RIPPLY3: variants seen among roughly 807,000 people sequenced by gnomAD.
RIPPLY3 encodes the protein ripply transcriptional repressor 3.
A neutral mutation model predicts 11.9 loss-of-function variants in RIPPLY3; 8 were observed. The ratio of observed to expected loss-of-function variants is 0.67; its 90% CI spans 0.40 to 1.21. The LOEUF is 1.21. Ranked by LOEUF, RIPPLY3 falls within the 50% of genes most tolerant of loss-of-function variation. The pLI, the probability that RIPPLY3 is intolerant of heterozygous loss-of-function variation, is 0.01. For synonymous variants in RIPPLY3, 102 were observed against 99.0 expected (o/e 1.03, Z -0.18); for missense variants, 271 against 246.0 (o/e 1.10, Z -0.68).
At chr21:37,007,400 C>CTTTTTTTTTTTTTTTTTTTTTTTT (rs895853940) in intron 1 of RIPPLY3, among the ~76,000 whole-genome samples, 1 of 86,272 alleles carries the variant, frequency 1.2e-5, no homozygotes, top group African/African-American at 5.0e-5. Flanking sequence ...AAGATTCCCT[C>CTTTTTTTTTTTTTTTTTTTTTTTT]TTTTTTTTTT....
intron 2 of RIPPLY3, among the ~76,000 whole-genome samples, chr21:37,013,233 A>G (rs1261401600): frequency 6.6e-6 from 1 of 152,112 alleles, no homozygotes; most frequent in Non-Finnish European, 1.5e-5. Flanking sequence ...GCTTAGAATC[A>G]TGGGTATCTT....
intron 2 of RIPPLY3, among the ~76,000 whole-genome samples, chr21:37,009,310 C>A (rs190260037): frequency 3.3e-5 from 5 of 151,592 alleles, no homozygotes; most frequent in Admixed American, 3.3e-4. Context: ...TTACGTAACA[C>A]GTGTTATATG....
At chr21:37,012,804 G>A (rs1162725052) in intron 2 of RIPPLY3, among the ~76,000 whole-genome samples, 1 of 151,054 alleles carries the variant, frequency 6.6e-6, no homozygotes, top group Admixed American at 6.6e-5. Context: ...GGTCTCACTT[G>A]TTCCACACAA....
Position 37,006,881 on chromosome 21 carries a change from G to C in RIPPLY3, c.104+5G>C, listed in dbSNP as rs2069469928. 8.2e-7 allele frequency: 1 copy of C among 1,214,266 alleles called. No individual in the cohort carries two copies. Among genetic ancestry groups the C allele is most frequent in the Non-Finnish European group, 1.0e-6 (1 of 975,340 alleles). The allele number at this position is 1,214,266 out of a possible 1,614,324, so 75.2% of individuals were successfully genotyped here. A position where few individuals can be genotyped will look rare whatever the true frequency, so the allele number is the denominator to read the frequency against. Reference sequence around the variant, plus strand: ...GCCACCGCGCGGGCCGGAGAGGTGAGGGTGGCCCCGCGCCCCGGTGGACGC... The same window carrying C: ...GCCACCGCGCGGGCCGGAGAGGTGACGGTGGCCCCGCGCCCCGGTGGACGC... On this transcript the variant is annotated splice_donor_5th_base_variant and intron_variant, in intron 1 of 3. Coordinates refer to ENST00000329553, the MANE Select transcript of RIPPLY3 (RefSeq NM_018962.3). This position sits in a 1 kb window ranked among gnomAD's most constrained non-coding sequence, Gnocchi z 5.2.
At chr21:37,012,212 T>TTTTTTATTTTTATTA (rs773284506) in intron 2 of RIPPLY3, among the ~76,000 whole-genome samples, 3 of 132,510 alleles carry the variant, frequency 2.3e-5, no homozygotes, top group African/African-American at 8.1e-5. Context: ...CCGCTCCTTA[T>TTTTTTATTTTTATTA]TTATTATTAT....
Position 37,018,318 on chromosome 21 carries a change from T to G in RIPPLY3, c.*111T>G. The stretch of plus-strand genomic sequence containing the variant: ...TGCTGAGTGTGCAGAGGCTAGAGGC[T>G]TCTCGGGCAGCCCCTGGCCTGCACA... On this transcript the variant is annotated 3_prime_UTR_variant, in exon 4 of 4. Coordinates refer to ENST00000329553, the MANE Select transcript of RIPPLY3 (RefSeq NM_018962.3). 1 of 884,758 alleles carries G rather than the reference T, an allele frequency of 1.1e-6. No homozygotes were observed. The highest frequency in any genetic ancestry group is 1.8e-6 in the Non-Finnish European group (1 of 561,504). 54.8% of individuals were successfully genotyped at this position (884,758 alleles called of 1,614,324 possible).
chr21:37,017,837 A>T, intron 3 of RIPPLY3, 37 bp from the exon 4 acceptor site: 1 of 1,537,456 alleles, frequency 6.5e-7, no homozygotes, highest in Admixed American at 1.9e-5. Flanking sequence ...GACGAGGTTC[A>T]GGTTGATTAA....
chr21:37,016,634 C>G (rs891896959), intron 3 of RIPPLY3, among the ~76,000 whole-genome samples: 3 of 152,044 alleles, frequency 2.0e-5, no homozygotes, highest in Non-Finnish European at 4.4e-5. Context: ...GAGTTGCAGA[C>G]CAGCCTGGGC....
At chr21:37,009,416 TA>T (rs2069499127) in intron 2 of RIPPLY3, among the ~76,000 whole-genome samples, 1 of 152,228 alleles carries the variant, frequency 6.6e-6, no homozygotes, top group Non-Finnish European at 1.5e-5. Context: ...TTTATTAAAT[TA>T]ATCTGAATAT....
At chr21:37,015,089 G>A (rs2069564399) in intron 3 of RIPPLY3, among the ~76,000 whole-genome samples, 1 of 152,166 alleles carries the variant, frequency 6.6e-6, no homozygotes, top group Non-Finnish European at 1.5e-5. Flanking sequence ...ACAGATGCCT[G>A]GGTGGTTCTC....
intron 3 of RIPPLY3, among the ~76,000 whole-genome samples, chr21:37,014,911 A>G (rs1373212670): frequency 6.6e-6 from 1 of 152,106 alleles, no homozygotes; most frequent in Non-Finnish European, 1.5e-5. Flanking sequence ...ATTTTTTTGT[A>G]GAGACAAGGT....
In RIPPLY3 at chr21:37,009,550, A is replaced by G. The variant is rs11911021; in HGVS notation, c.171+1327A>G. On this transcript the variant is annotated intron_variant, in intron 2 of 3. Transcript: ENST00000329553. Reference sequence around the variant, plus strand: ...AATAATGTAAAATCCCTTCTTTTGCATTCAAACTTAGTTCTTAAACATAAA... The same window carrying G: ...AATAATGTAAAATCCCTTCTTTTGCGTTCAAACTTAGTTCTTAAACATAAA... 7.1e-3 allele frequency among the ~76,000 whole-genome samples: 1,089 copies of G among 152,340 alleles called. 16 individuals carry two copies. The highest frequency in any genetic ancestry group is 0.025 in the African/African-American group (1,060 of 41,576).
At chr21:37,011,635 G>A (rs1244440221) in intron 2 of RIPPLY3, among the ~76,000 whole-genome samples, 1 of 152,154 alleles carries the variant, frequency 6.6e-6, no homozygotes, top group Non-Finnish European at 1.5e-5. Flanking sequence ...GTTTCAAAGA[G>A]CCTCATCACT....
chr21:37,010,045 A>T (rs970055686), intron 2 of RIPPLY3, among the ~76,000 whole-genome samples: 2 of 152,324 alleles, frequency 1.3e-5, no homozygotes, highest in Admixed American at 1.3e-4. Flanking sequence ...CTTCTTGCTC[A>T]ACAGCGCCCT....
In RIPPLY3 at chr21:37,018,509, C is replaced by T; in HGVS notation, c.*302C>T. 1 of 372,448 alleles carries T rather than the reference C, an allele frequency of 2.7e-6. No individual in the cohort carries two copies. Among genetic ancestry groups the T allele is most frequent in the East Asian group, 5.3e-5 (1 of 18,934 alleles). The allele number at this position is 372,448 out of a possible 1,614,324, so 23.1% of individuals were successfully genotyped here. ...TTTCAAAGCTCCTTCTGCATTGTCA[C>T]TCACTGATCAGGTGATGAATTCTTC... On this transcript the variant is annotated 3_prime_UTR_variant, in exon 4 of 4. Transcript: ENST00000329553.
At chr21:37,017,085 A>G (rs560171994) in intron 3 of RIPPLY3, among the ~76,000 whole-genome samples, 4 of 149,742 alleles carry the variant, frequency 2.7e-5, no homozygotes, top group Admixed American at 2.7e-4. Flanking sequence ...CTCAGAAGGC[A>G]GAAGTTGCAG....
At chr21:37,016,758 G>T (rs951645544) in intron 3 of RIPPLY3, among the ~76,000 whole-genome samples, 1 of 152,184 alleles carries the variant, frequency 6.6e-6, no homozygotes, top group Non-Finnish European at 1.5e-5. Flanking sequence ...TTGAGCCCAG[G>T]ATTTCAAGGC....
intron 2 of RIPPLY3, among the ~76,000 whole-genome samples, chr21:37,010,814 G>A (rs1270071341): frequency 6.6e-6 from 1 of 152,120 alleles, no homozygotes; most frequent in Admixed American, 6.6e-5. Flanking sequence ...CCCACTGAAA[G>A]CCTCTCTGCA....
rs1160558019 is a variant in RIPPLY3, at chr21:37,018,268, C to A, written c.*61C>A. The A allele has an allele frequency of 2.8e-6, 4 of 1,440,128 alleles. No homozygotes were observed. Among genetic ancestry groups the A allele is most frequent in the African/African-American group, 2.8e-5 (2 of 71,762 alleles). 89.2% of individuals were successfully genotyped at this position (1,440,128 alleles called of 1,614,324 possible). A position where few individuals can be genotyped will look rare whatever the true frequency, so the allele number is the denominator to read the frequency against. ...TGCCCCTCACGTTCTCTTGGGGACA[C>A]CCGAGCCAGGACACTACGCATCCCT... On this transcript the variant is annotated 3_prime_UTR_variant, in exon 4 of 4. Transcript: ENST00000329553.
Sources: allele counts gnomAD v4.1 joint callset (sites outside exome capture counted in the v4.1 genomes callset), GRCh38; gene constraint gnomAD v4.1.1; non-coding constraint Gnocchi (gnomAD v3.1); transcripts MANE v1.5; gene names NCBI Gene and HGNC (gene_info 2026-07-23, HGNC 2026-07-21).